Variants in BCR observed in about 807,000 individuals in gnomAD.
The protein encoded by BCR is BCR activator of RhoGEF and GTPase.
Under a neutral mutation model 138.6 loss-of-function variants are expected in BCR, and 58 were observed. That is an observed-to-expected ratio of 0.42 (90% CI 0.34 to 0.52). BCR has a LOEUF of 0.52. BCR is among the 20% of genes least tolerant of loss of function. BCR has a pLI of 0.06. For synonymous variants in BCR, 786 were observed against 730.1 expected, an observed-to-expected ratio of 1.08 and a Z score of -1.23; for missense variants, 1,599 against 1,727.2, an observed-to-expected ratio of 0.93 and a Z score of 1.32.
intron 1 of BCR, among the ~76,000 whole-genome samples, chr22:23,216,183 C>A (rs1206062211): frequency 1.3e-5 from 2 of 152,122 alleles, no homozygotes; most frequent in African/African-American, 4.8e-5. Flanking sequence ...GGCTTCAGAA[C>A]ATGAATGTCT....
intron 16 of BCR, among the ~76,000 whole-genome samples, chr22:23,297,129 C>G (rs2073852990): frequency 6.6e-6 from 1 of 152,036 alleles, no homozygotes; most frequent in South Asian, 2.1e-4. Flanking sequence ...CCTCAAACTC[C>G]TGGCTGAAGC....
chr22:23,268,872 G>A (rs1482305642), intron 5 of BCR, among the ~76,000 whole-genome samples: 2 of 152,190 alleles, frequency 1.3e-5, no homozygotes, highest in Non-Finnish European at 2.9e-5. Context: ...CACTGGAGGC[G>A]AGGCCGGAGG....
At chr22:23,198,158 G>A in intron 1 of BCR, 2 of 329,704 alleles carry the variant, frequency 6.1e-6, no homozygotes, top group Non-Finnish European at 1.2e-5. Flanking sequence ...CAGGCTCCAA[G>A]TGAGTATAGG....
At chr22:23,248,927 A>G (rs1283847487) in intron 1 of BCR, among the ~76,000 whole-genome samples, 3 of 152,134 alleles carry the variant, frequency 2.0e-5, no homozygotes, top group Non-Finnish European at 4.4e-5. Flanking sequence ...AGGCCTCCCA[A>G]TTGGTTCTGG....
chr22:23,216,519 C>T (rs187933461), intron 1 of BCR, among the ~76,000 whole-genome samples: 30 of 152,330 alleles, frequency 2.0e-4, no homozygotes, highest in Admixed American at 1.6e-3. Flanking sequence ...AATGAATTAG[C>T]AACGTGGAAC....
At chr22:23,238,801 G>T (rs2073054636) in intron 1 of BCR, among the ~76,000 whole-genome samples, 1 of 151,930 alleles carries the variant, frequency 6.6e-6, no homozygotes, top group Non-Finnish European at 1.5e-5. Context: ...CTGACCCAGA[G>T]CTATACCCCT....
At chr22:23,209,858 G>A (rs1240449330) in intron 1 of BCR, among the ~76,000 whole-genome samples, 1 of 152,148 alleles carries the variant, frequency 6.6e-6, no homozygotes, top group East Asian at 1.9e-4. Flanking sequence ...TCAACCTCCT[G>A]GCCTCAGGCC....
In BCR at chr22:23,314,801, T is replaced by C. The variant is rs550075389; in HGVS notation, c.3726+87T>C. 2.4e-3 allele frequency: 3,535 copies of C among 1,498,566 alleles called. 12 individuals are homozygous for C. The highest frequency in any genetic ancestry group is 0.016 in the Admixed American group (906 of 56,910). The allele number at this position is 1,498,566 out of a possible 1,614,324, so 92.8% of individuals were successfully genotyped here. On this transcript the variant is annotated intron_variant, in intron 22 of 22. Coordinates refer to ENST00000305877, the MANE Select transcript of BCR (RefSeq NM_004327.4). ...CCCACCCCCAGTCCTGCCCATCTTC[T>C]TACTTGCATTGTATGTGGTGTGGCC...
At chr22:23,281,305 T>C (rs934904841) in intron 8 of BCR, among the ~76,000 whole-genome samples, 7 of 152,198 alleles carry the variant, frequency 4.6e-5, no homozygotes, top group African/African-American at 1.7e-4. Flanking sequence ...TTGGGGACAG[T>C]GGTTTCCAGC....
chr22:23,211,998 C>T (rs1482570373), intron 1 of BCR, among the ~76,000 whole-genome samples: 3 of 152,136 alleles, frequency 2.0e-5, no homozygotes, highest in Non-Finnish European at 4.4e-5. Context: ...TCCCCTACCC[C>T]ATAACCAGGG....
chr22:23,263,238 C>T, intron 4 of BCR: 5 of 1,028,452 alleles, frequency 4.9e-6, no homozygotes, highest in East Asian at 2.5e-5. Flanking sequence ...AGTGCTGCTG[C>T]TGCACATGTG....
chr22:23,183,728 G>A (rs2072301290), intron 1 of BCR, among the ~76,000 whole-genome samples: 1 of 152,216 alleles, frequency 6.6e-6, no homozygotes, highest in Non-Finnish European at 1.5e-5. Context: ...TATTAATAAA[G>A]AAGAAAATGA....
At chr22:23,214,135 C>T (rs988423706) in intron 1 of BCR, among the ~76,000 whole-genome samples, 6 of 151,118 alleles carry the variant, frequency 4.0e-5, no homozygotes, top group East Asian at 1.9e-4. Flanking sequence ...TTGTTGTTAT[C>T]GTAGTTGCTG....
At chr22:23,197,430 A>T (rs2072497596) in intron 1 of BCR, among the ~76,000 whole-genome samples, 1 of 152,184 alleles carries the variant, frequency 6.6e-6, no homozygotes, top group African/African-American at 2.4e-5. Flanking sequence ...GTTACAGTGT[A>T]TTGTTATTAC....
chr22:23,260,920 C>T (rs760225629), intron 2 of BCR, 30 bp from the exon 3 acceptor site: 1 of 1,603,614 alleles, frequency 6.2e-7, no homozygotes. Context: ...ACCACCCTTC[C>T]AGGCTGACTT....
chr22:23,225,191 C>CTTTTTTTTTTTTTTTTT (rs34267356), intron 1 of BCR, among the ~76,000 whole-genome samples: 1 of 142,834 alleles, frequency 7.0e-6, no homozygotes. Context: ...GTCTGTGGTG[C>CTTTTTTTTTTTTTTTTT]TTTTTTTTTT....
At chr22:23,225,662 T>C (rs1323427864) in intron 1 of BCR, among the ~76,000 whole-genome samples, 1 of 152,230 alleles carries the variant, frequency 6.6e-6, no homozygotes, top group Non-Finnish European at 1.5e-5. Flanking sequence ...CGCAATGCAC[T>C]TCAGCAGATA....
intron 2 of BCR, among the ~76,000 whole-genome samples, chr22:23,260,342 G>T (rs979794041): frequency 6.6e-6 from 1 of 152,218 alleles, no homozygotes; most frequent in Non-Finnish European, 1.5e-5. Context: ...TAAAAAGCAG[G>T]GTCAGGGGAC....
chr22:23,216,726 C>T (rs2072757531), intron 1 of BCR, among the ~76,000 whole-genome samples: 1 of 152,366 alleles, frequency 6.6e-6, no homozygotes, highest in African/African-American at 2.4e-5. Flanking sequence ...TGTGGTTTGA[C>T]TGCCGCTGGC....
Sources: gnomAD v4.1 joint callset for allele counts (sites outside exome capture counted in the v4.1 genomes callset) on GRCh38, gnomAD v4.1.1 for gene constraint, MANE v1.5 for transcripts, NCBI Gene and HGNC (gene_info 2026-07-23, HGNC 2026-07-21) for gene names.